FHIT: variants seen among roughly 807,000 people sequenced by gnomAD.
FHIT encodes the protein fragile histidine triad diadenosine triphosphatase.
A neutral mutation model predicts 17.9 loss-of-function variants in FHIT; 19 were observed. That is an observed-to-expected ratio of 1.06 (90% CI 0.74 to 1.56). FHIT has a LOEUF of 1.56. Among genes scored for constraint, FHIT ranks in the 40% most tolerant of loss-of-function variants. The probability of loss-of-function intolerance (pLI) is 0.00; values close to 1 mark genes in which losing one functional copy is unlikely to be tolerated. For synonymous variants in FHIT, 81 were observed against 69.7 expected, an observed-to-expected ratio of 1.16 and a Z score of -0.81; for missense variants, 248 against 189.2, an observed-to-expected ratio of 1.31 and a Z score of -1.82.
chr3:60,867,568 C>A (rs1261500874), intron 3 of FHIT, among the ~76,000 whole-genome samples: 2 of 152,190 alleles, frequency 1.3e-5, no homozygotes, highest in African/African-American at 4.8e-5. Context: ...TCATCCAGTT[C>A]TCCTTTAGCC....
At chr3:59,931,439 T>G (rs1373833783) in intron 7 of FHIT, among the ~76,000 whole-genome samples, 2 of 152,182 alleles carry the variant, frequency 1.3e-5, no homozygotes, top group Non-Finnish European at 2.9e-5. Context: ...TACAGGACTT[T>G]GAGGATACCT....
intron 5 of FHIT, among the ~76,000 whole-genome samples, chr3:60,023,426 G>A (rs2106744232): frequency 6.6e-6 from 1 of 152,280 alleles, no homozygotes; most frequent in East Asian, 1.9e-4. Flanking sequence ...GTGAAACCTG[G>A]GGCCCAAACT....
chr3:60,072,622 A>C, intron 5 of FHIT, among the ~76,000 whole-genome samples: 1 of 152,174 alleles, frequency 6.6e-6, no homozygotes, highest in East Asian at 1.9e-4. Flanking sequence ...GGAGACTGAA[A>C]CCTAAAAAAG....
chr3:59,977,688 T>C (rs1708476527), intron 7 of FHIT, among the ~76,000 whole-genome samples: 1 of 152,034 alleles, frequency 6.6e-6, no homozygotes, highest in Admixed American at 6.6e-5. Context: ...TGTCCATAGT[T>C]CCCCTTAAAA....
chr3:59,801,512 TA>T (rs1186357759), intron 8 of FHIT, among the ~76,000 whole-genome samples: 140 of 152,234 alleles, frequency 9.2e-4, no homozygotes, highest in Non-Finnish European at 1.7e-3. Context: ...TTAGTTTCCC[TA>T]TATAAGTGAA....
intron 3 of FHIT, among the ~76,000 whole-genome samples, chr3:60,903,497 G>A (rs1706229733): frequency 6.6e-6 from 1 of 152,186 alleles, no homozygotes; most frequent in Non-Finnish European, 1.5e-5. Context: ...ACACTTCTAA[G>A]TTAGATGGAA....
chr3:60,997,243 T>C (rs1363609585), intron 3 of FHIT, among the ~76,000 whole-genome samples: 1 of 152,192 alleles, frequency 6.6e-6, no homozygotes, highest in African/African-American at 2.4e-5. Flanking sequence ...CTCTCCTTCA[T>C]ACAGCATCTA....
chr3:60,431,702 C>T (rs957235697), intron 5 of FHIT, among the ~76,000 whole-genome samples: 1 of 152,058 alleles, frequency 6.6e-6, no homozygotes, highest in African/African-American at 2.4e-5. Context: ...AAGCACCTCA[C>T]TGACATCCTG....
intron 5 of FHIT, among the ~76,000 whole-genome samples, chr3:60,275,498 G>T (rs1440068251): frequency 1.3e-5 from 2 of 152,082 alleles, no homozygotes; most frequent in Admixed American, 1.3e-4. Context: ...TTTTCCTATA[G>T]ATCTAAAATC....
chr3:60,181,738 A>T (rs945366946), intron 5 of FHIT, among the ~76,000 whole-genome samples: 2 of 152,172 alleles, frequency 1.3e-5, no homozygotes, highest in Non-Finnish European at 2.9e-5. Context: ...TTTTGCATTT[A>T]TTGACTTTAA....
chr3:60,210,023 C>T (rs1374707740), intron 5 of FHIT, among the ~76,000 whole-genome samples: 1 of 152,038 alleles, frequency 6.6e-6, no homozygotes, highest in Non-Finnish European at 1.5e-5. Flanking sequence ...TGTAACAAAC[C>T]TGCACGTTCT....
chr3:60,312,768 A>G (rs959855628), intron 5 of FHIT, among the ~76,000 whole-genome samples: 4 of 152,192 alleles, frequency 2.6e-5, no homozygotes, highest in Admixed American at 2.6e-4. Context: ...TACTATGTAT[A>G]TACATACGTA....
At chr3:60,792,912 A>AG (rs1700835041) in intron 4 of FHIT, among the ~76,000 whole-genome samples, 2 of 151,988 alleles carry the variant, frequency 1.3e-5, no homozygotes, top group Non-Finnish European at 2.9e-5. Context: ...AACTTGTGTA[A>AG]TACATTAGCT....
chr3:60,042,973 C>G (rs1701503425), intron 5 of FHIT, among the ~76,000 whole-genome samples: 1 of 152,168 alleles, frequency 6.6e-6, no homozygotes. Flanking sequence ...AGGCATTATG[C>G]ATGGCACTGG....
intron 7 of FHIT, among the ~76,000 whole-genome samples, chr3:59,992,122 T>C (rs2107474930): frequency 6.6e-6 from 1 of 151,980 alleles, no homozygotes; most frequent in African/African-American, 2.4e-5. Context: ...CAGTATTGGA[T>C]AAGAATATAG....
chr3:61,159,822 T>C (rs1162923592), intron 2 of FHIT, among the ~76,000 whole-genome samples: 1 of 152,202 alleles, frequency 6.6e-6, no homozygotes, highest in African/African-American at 2.4e-5. Context: ...TTTTCATCTA[T>C]AGAATTCCTT....
chr3:60,336,310 C>T (rs1311526140), intron 5 of FHIT, among the ~76,000 whole-genome samples: 1 of 152,154 alleles, frequency 6.6e-6, no homozygotes, highest in Non-Finnish European at 1.5e-5. Context: ...AAAACCCTGA[C>T]CAAAAGGAAG....
intron 5 of FHIT, among the ~76,000 whole-genome samples, chr3:60,450,724 A>G (rs2031681110): frequency 6.6e-6 from 1 of 152,148 alleles, no homozygotes; most frequent in African/African-American, 2.4e-5. Context: ...TTATTAATGG[A>G]AAATCATTTG....
At chr3:60,874,858 T>C (rs140906167) in intron 3 of FHIT, among the ~76,000 whole-genome samples, 24 of 152,244 alleles carry the variant, frequency 1.6e-4, no homozygotes, top group African/African-American at 5.8e-4. Flanking sequence ...ACCTCTGAAA[T>C]AGGAAGGTCT....
Sources: gnomAD v4.1 joint callset for allele counts (sites outside exome capture counted in the v4.1 genomes callset) on GRCh38, gnomAD v4.1.1 for gene constraint, MANE v1.5 for transcripts, NCBI Gene and HGNC (gene_info 2026-07-23, HGNC 2026-07-21) for gene names.